The following ADGRB3 variants were observed in gnomAD, a reference collection of about 807,000 sequenced individuals.
ADGRB3 encodes brain-specific angiogenesis inhibitor 3.
Under a neutral mutation model 193.4 loss-of-function variants are expected in ADGRB3, and 37 were observed. The ratio of observed to expected loss-of-function variants is 0.19; its 90% CI spans 0.15 to 0.25. ADGRB3 has a LOEUF of 0.25. ADGRB3 is among the 10% of genes least tolerant of loss of function. The pLI is 1.00. For missense variants in ADGRB3, 1,637 were observed against 1,852.9 expected (o/e 0.88, Z 2.14); for synonymous variants, 690 against 644.2 (o/e 1.07, Z -1.08).
At chr6:69,054,159 T>C (rs1485589680) in intron 15 of ADGRB3, among the ~76,000 whole-genome samples, 1 of 152,158 alleles carries the variant, frequency 6.6e-6, no homozygotes, top group Non-Finnish European at 1.5e-5. Context: ...GAATGAAAAC[T>C]AAAGTGTCTT....
intron 11 of ADGRB3, among the ~76,000 whole-genome samples, chr6:69,013,584 G>C (rs1278927290): frequency 2.0e-5 from 3 of 152,112 alleles, no homozygotes; most frequent in African/African-American, 7.2e-5. Context: ...GAGGGAGCCT[G>C]TCTTGCCTCC....
At chr6:69,228,497 G>A (rs1380598746) in intron 17 of ADGRB3, among the ~76,000 whole-genome samples, 1 of 152,174 alleles carries the variant, frequency 6.6e-6, no homozygotes, top group Non-Finnish European at 1.5e-5. Context: ...GAAGATCTAA[G>A]TTTAGAGAAT....
chr6:68,858,404 T>A (rs2150213149), intron 3 of ADGRB3, among the ~76,000 whole-genome samples: 1 of 149,658 alleles, frequency 6.7e-6, no homozygotes, highest in Admixed American at 6.7e-5. Flanking sequence ...CTCGAGAGGC[T>A]AAGGCAGGAG....
intron 3 of ADGRB3, among the ~76,000 whole-genome samples, chr6:68,661,082 T>G (rs979772764): frequency 2.0e-5 from 3 of 150,338 alleles, no homozygotes; most frequent in Non-Finnish European, 3.0e-5. Flanking sequence ...AAAATGTTTT[T>G]TGGACCTTAA....
At chr6:68,678,847 T>C (rs933420068) in intron 3 of ADGRB3, among the ~76,000 whole-genome samples, 7 of 152,146 alleles carry the variant, frequency 4.6e-5, no homozygotes, top group Admixed American at 4.6e-4. Flanking sequence ...ATTAAAATAA[T>C]AATGCTAATA....
At chr6:69,195,606 ATTCTCTGGCCT>A (rs1765278117) in intron 17 of ADGRB3, among the ~76,000 whole-genome samples, 4 of 150,340 alleles carry the variant, frequency 2.7e-5, no homozygotes, top group Admixed American at 2.7e-4. Flanking sequence ...TTACCATTAT[ATTCTCTGGCCT>A]TTCTTCTTAC....
At chr6:69,381,764 A>G (rs1440360966) in intron 30 of ADGRB3, among the ~76,000 whole-genome samples, 3 of 151,952 alleles carry the variant, frequency 2.0e-5, no homozygotes, top group Non-Finnish European at 4.4e-5. Flanking sequence ...TGGACCAAAT[A>G]TTCAAATTCT....
chr6:68,942,888 T>C (rs1767681817), intron 5 of ADGRB3, among the ~76,000 whole-genome samples: 1 of 152,112 alleles, frequency 6.6e-6, no homozygotes, highest in African/African-American at 2.4e-5. Context: ...TGGGATTACA[T>C]GCATGAGCCA....
chr6:69,322,838 T>G (rs907128306), intron 20 of ADGRB3, among the ~76,000 whole-genome samples: 1 of 152,076 alleles, frequency 6.6e-6, no homozygotes, highest in African/African-American at 2.4e-5. Context: ...TAAGGATAAA[T>G]AGTTTATCCA....
intron 3 of ADGRB3, among the ~76,000 whole-genome samples, chr6:68,870,630 T>C (rs1354249090): frequency 1.3e-5 from 2 of 152,212 alleles, no homozygotes; most frequent in African/African-American, 4.8e-5. Context: ...CAATGAAGTG[T>C]AGTGGTTAAA....
At chr6:69,307,301 T>C (rs956132277) in intron 20 of ADGRB3, among the ~76,000 whole-genome samples, 6 of 151,560 alleles carry the variant, frequency 4.0e-5, no homozygotes, top group African/African-American at 1.5e-4. Flanking sequence ...TAGTTAAATT[T>C]CTTATGTATT....
intron 13 of ADGRB3, among the ~76,000 whole-genome samples, chr6:69,035,253 A>G (rs1562130770): frequency 6.6e-6 from 1 of 152,074 alleles, no homozygotes; most frequent in Non-Finnish European, 1.5e-5. Flanking sequence ...GGTGTCTTCT[A>G]TTGCTGCTAT....
rs553460184 is a variant in ADGRB3 at position 69,343,775 on chromosome 6, A to G, written c.3459+4271A>G. Among the ~76,000 whole-genome samples, 45 of 152,330 alleles carry G rather than the reference A, an allele frequency of 3.0e-4. No individual in the cohort carries two copies. In the South Asian group the frequency reaches 8.9e-3, roughly 30 times the overall value. ...AAGAAGCCATCTGATTCATCACAAT[A>G]CATAGTTTTAGCAACAGAACCTAAA... On this transcript the variant is annotated intron_variant, in intron 26 of 31. Coordinates refer to ENST00000370598, the MANE Select transcript of ADGRB3 (RefSeq NM_001704.3).
intron 9 of ADGRB3, 91 bp downstream of exon 9, chr6:68,974,955 A>G: frequency 9.1e-7 from 1 of 1,098,538 alleles, no homozygotes; most frequent in Non-Finnish European, 1.3e-6. Context: ...TTTTTGTCTT[A>G]TATCCATAAA....
chr6:68,766,923 T>G (rs747423499), intron 3 of ADGRB3, among the ~76,000 whole-genome samples: 5 of 152,050 alleles, frequency 3.3e-5, no homozygotes, highest in Non-Finnish European at 7.4e-5. Flanking sequence ...ACATACTGGT[T>G]TTTCATCCAT....
intron 3 of ADGRB3, among the ~76,000 whole-genome samples, chr6:68,668,967 G>C (rs960238150): frequency 1.3e-5 from 2 of 151,898 alleles, no homozygotes; most frequent in African/African-American, 4.8e-5. Context: ...CTGTGGTCTG[G>C]TGAATAAGAG....
intron 17 of ADGRB3, among the ~76,000 whole-genome samples, chr6:69,165,244 C>G (rs956084401): frequency 6.6e-6 from 1 of 152,076 alleles, no homozygotes; most frequent in African/African-American, 2.4e-5. Flanking sequence ...ATCTACAACA[C>G]AAGACTTTGT....
chr6:69,237,175 T>A (rs1766282114), intron 19 of ADGRB3, among the ~76,000 whole-genome samples: 1 of 152,006 alleles, frequency 6.6e-6, no homozygotes, highest in Non-Finnish European at 1.5e-5. Context: ...CCATTATACA[T>A]GTAGGGTATA....
At chr6:68,913,166 CCTGT>C (rs941890080) in intron 3 of ADGRB3, among the ~76,000 whole-genome samples, 1 of 152,144 alleles carries the variant, frequency 6.6e-6, no homozygotes, top group African/African-American at 2.4e-5. Flanking sequence ...CTTAAATGTC[CCTGT>C]CTGACAGCTC....
Sources: allele counts gnomAD v4.1 joint callset (sites outside exome capture counted in the v4.1 genomes callset), GRCh38; gene constraint gnomAD v4.1.1; transcripts MANE v1.5; gene names NCBI Gene and HGNC (gene_info 2026-07-23, HGNC 2026-07-21).